The following PRRT4 variants were observed in gnomAD, a reference collection of about 807,000 sequenced individuals.
PRRT4 encodes proline rich transmembrane protein 4.
PRRT4 carries 59 observed loss-of-function variants against 55.6 expected under a neutral mutation model. The ratio of observed to expected loss-of-function variants is 1.06; its 90% CI spans 0.86 to 1.32. The LOEUF (loss-of-function observed/expected upper bound fraction) is 1.32. Ranked by LOEUF, PRRT4 falls within the 40% of genes most tolerant of loss-of-function variation. The pLI is 0.00. For synonymous variants in PRRT4, 606 were observed against 601.8 expected (o/e 1.01, Z -0.10); for missense variants, 1,217 against 1,222.0 (o/e 1.00, Z 0.06).
chr7:128,352,747 G>T, intron 4 of PRRT4, 69 bp from the exon 6 acceptor site: 1 of 1,375,346 alleles, frequency 7.3e-7, no homozygotes, highest in Non-Finnish European at 9.7e-7. Flanking sequence ...ACAAGCAGTA[G>T]CCTGAATGCC....
chr7:128,357,551 T>G (rs1797142247), intron 4 of PRRT4, among the ~76,000 whole-genome samples: 1 of 152,156 alleles, frequency 6.6e-6, no homozygotes, highest in Non-Finnish European at 1.5e-5. Context: ...CTGCCCCTGC[T>G]GCACGCTGGG....
chr7:128,359,562 C>A (rs1209352610), exon 2 of PRRT4: 2 of 1,494,986 alleles, frequency 1.3e-6, no homozygotes, highest in Middle Eastern at 1.8e-4. Flanking sequence ...TGATAGGGGG[C>A]AGTGGGCCCA....
Position 128,352,647 on chromosome 7 carries a change from G to A in PRRT4, c.909C>T (p.Asp303=), listed in dbSNP as rs912427349. 1.2e-5 allele frequency: 18 copies of A among 1,537,854 alleles called. No homozygotes were observed. In the African/African-American group the frequency reaches 2.1e-4, roughly 18 times the overall value. ...TCCCGAGGCTGGCGGGAGGAGAGAG[G>A]TCATCTGGGCCAGAGATGGGGACTG... The change falls in exon 5 of 5, where the codon GAC becomes GAT. Residue 303 remains aspartate (D), a synonymous_variant. Coordinates refer to ENST00000535159, the Ensembl canonical transcript of PRRT4.
chr7:128,351,459 G>T (rs1402621478), exon 5 of PRRT4: 23 of 1,520,794 alleles, frequency 1.5e-5, no homozygotes, highest in Non-Finnish European at 1.9e-5. Context: ...TGGCCGCCGC[G>T]CCTTCGAAGC....
chr7:128,353,780 G>T (rs1026163103), intron 4 of PRRT4, among the ~76,000 whole-genome samples: 20 of 152,230 alleles, frequency 1.3e-4, no homozygotes, highest in Non-Finnish European at 2.5e-4. Context: ...TGCCATCTAA[G>T]TAAGTGAGCC....
intron 3 of PRRT4, 116 bp downstream of exon 4, chr7:128,359,033 G>A (rs1797175386): frequency 1.6e-6 from 2 of 1,259,714 alleles, no homozygotes; most frequent in African/African-American, 1.5e-5. Context: ...CATATCCTAG[G>A]GCCTGGAAGA....
exon 2 of PRRT4, chr7:128,359,851 C>T: frequency 4.0e-6 from 6 of 1,494,624 alleles, no homozygotes; most frequent in Non-Finnish European, 4.5e-6. Context: ...TGAGAGACAG[C>T]ATAGAGGCCT....
chr7:128,351,191 G>C, exon 5 of PRRT4: 1 of 1,542,450 alleles, frequency 6.5e-7, no homozygotes, highest in Non-Finnish European at 8.7e-7. Flanking sequence ...GGGGAGGGGA[G>C]CTCCGGGGGC....
intron 4 of PRRT4, among the ~76,000 whole-genome samples, chr7:128,355,576 G>A (rs914433675): frequency 6.6e-6 from 1 of 152,174 alleles, no homozygotes; most frequent in Non-Finnish European, 1.5e-5. Context: ...AAACTACTTA[G>A]CTGGGAATGG....
chr7:128,350,883 G>A (rs1205613533), exon 5 of PRRT4: 1 of 1,551,170 alleles, frequency 6.4e-7, no homozygotes, highest in Non-Finnish European at 8.7e-7. Flanking sequence ...CGCTGCCCAC[G>A]CTCAGCTCGT....
intron 4 of PRRT4, among the ~76,000 whole-genome samples, chr7:128,357,006 A>G (rs1469667926): frequency 1.3e-5 from 2 of 152,202 alleles, no homozygotes; most frequent in African/African-American, 4.8e-5. Flanking sequence ...CGAGGTGGGC[A>G]CTGATTCACT....
upstream of PRRT4, chr7:128,361,741 CT>C (rs1206957411): frequency 6.5e-6 from 1 of 152,882 alleles, no homozygotes. Flanking sequence ...TCTCCTCCTC[CT>C]CCTCCTCCTC....
Position 128,360,065 on chromosome 7 carries a change from T to G in PRRT4, c.-72-2A>C. The G allele has an allele frequency of 8.2e-7, 1 of 1,216,914 alleles. No homozygotes were observed. The highest frequency in any genetic ancestry group is 1.0e-6 in the Non-Finnish European group (1 of 954,542). The allele number at this position is 1,216,914 out of a possible 1,614,324, so 75.4% of individuals were successfully genotyped here. A position where few individuals can be genotyped will look rare whatever the true frequency, so the allele number is the denominator to read the frequency against. On this transcript the variant is annotated splice_acceptor_variant, in intron 1 of 4. Coordinates refer to ENST00000535159, the Ensembl canonical transcript of PRRT4. LOFTEE classifies it low-confidence loss of function (5UTR_SPLICE). Reference sequence around the variant, plus strand: ...CAGCAGCTTTTGAGGAGGAAGGTCCTGGAGAGAGGAGAGGCCCTGTGAGCC... The same window carrying G: ...CAGCAGCTTTTGAGGAGGAAGGTCCGGGAGAGAGGAGAGGCCCTGTGAGCC...
chr7:128,359,786 C>A lies in PRRT4; in HGVS notation c.206G>T (p.Ser69Ile), dbSNP rs1391137689. Residue 69 changes from serine to isoleucine, a missense_variant, in exon 2 of 5, where the codon AGC becomes ATC. Transcript: ENST00000535159. ...GAGTGGCTGGGTCTCTGTGACTGGG[C>A]TCCCCCAGACAGCAGCAGGTCCCCG... 4 of 1,537,616 alleles carry A rather than the reference C, an allele frequency of 2.6e-6. No homozygotes were observed. In the South Asian group the frequency reaches 4.9e-5, roughly 19 times the overall value.
exon 5 of PRRT4, chr7:128,352,122 C>G: frequency 8.5e-7 from 1 of 1,181,258 alleles, no homozygotes; most frequent in Middle Eastern, 3.4e-4. Flanking sequence ...CGGCGGCGGC[C>G]GCCAGCCCCA....
rs1015875458 is a variant in PRRT4 at position 128,351,770 on chromosome 7, G to A, written c.1786C>T (p.Pro596Ser). Reference sequence around the variant, plus strand: ...AGGCCTAGCTGGAAGGCCCACCAGGGCCAGGGCCCTTCCAGGCCGGATTGG... The same window carrying A: ...AGGCCTAGCTGGAAGGCCCACCAGGACCAGGGCCCTTCCAGGCCGGATTGG... Residue 596 changes from proline (P) to serine (S), a missense_variant, in exon 5 of 5, where the codon CCC (proline) becomes TCC (serine). Coordinates refer to ENST00000535159, the Ensembl canonical transcript of PRRT4. The A allele has an allele frequency of 7.0e-7, 1 of 1,438,344 alleles. No homozygotes were observed. Among genetic ancestry groups the A allele is most frequent in the South Asian group, 1.4e-5 (1 of 69,574 alleles). 89.1% of individuals were successfully genotyped at this position (1,438,344 alleles called of 1,614,324 possible).
At chr7:128,352,676 G>A in exon 5 of PRRT4, 1 of 1,522,434 alleles carries the variant, frequency 6.6e-7, no homozygotes, top group South Asian at 1.2e-5. Context: ...GGGACTGTGG[G>A]GTCTGTGGGC....
chr7:128,357,242 T>A (rs62481084), intron 4 of PRRT4, among the ~76,000 whole-genome samples: 89,070 of 128,310 alleles, frequency 0.69, 30,332 homozygotes, highest in Middle Eastern at 0.79. Flanking sequence ...ACACACTCTC[T>A]CTCTCTCTCT....
At chr7:128,351,520 G>A in exon 5 of PRRT4, 2 of 1,491,032 alleles carry the variant, frequency 1.3e-6, no homozygotes, top group Non-Finnish European at 1.8e-6. Flanking sequence ...CCCTGCCAGC[G>A]CGCACAGCTG....
Sources: allele counts gnomAD v4.1 joint callset (sites outside exome capture counted in the v4.1 genomes callset), GRCh38; gene constraint gnomAD v4.1.1; transcripts MANE v1.5; gene names NCBI Gene and HGNC (gene_info 2026-07-23, HGNC 2026-07-21).